The following VWA3A variants were observed in gnomAD, a reference collection of about 807,000 sequenced individuals.
VWA3A encodes the protein von Willebrand factor A domain containing 3A.
A neutral mutation model predicts 160.4 loss-of-function variants in VWA3A; 134 were observed. The ratio of observed to expected loss-of-function variants is 0.84; its 90% CI spans 0.73 to 0.96. The LOEUF (loss-of-function observed/expected upper bound fraction) is 0.96, where lower values mean the gene tolerates loss of function less well. Ranked by LOEUF, VWA3A falls within the 40% of genes least tolerant of loss-of-function variation. VWA3A has a pLI of 0.00. For missense variants in VWA3A, 1,310 were observed against 1,447.9 expected, an observed-to-expected ratio of 0.90 and a Z score of 1.55; for synonymous variants, 476 against 543.4, an observed-to-expected ratio of 0.88 and a Z score of 1.72.
intron 14 of VWA3A, 130 bp from the exon 15 acceptor site, chr16:22,122,955 T>A: frequency 1.4e-6 from 1 of 700,194 alleles, no homozygotes; most frequent in Non-Finnish European, 2.5e-6. Context: ...TGGGAGGGAG[T>A]TCGATCCGAC....
chr16:22,098,643 C>T (rs1017358796), intron 3 of VWA3A, among the ~76,000 whole-genome samples: 3 of 152,082 alleles, frequency 2.0e-5, no homozygotes, highest in African/African-American at 7.2e-5. Context: ...AGTAGAGTTA[C>T]ATAATTAGCA....
chr16:22,130,753 G>A (rs1410876502), intron 17 of VWA3A, among the ~76,000 whole-genome samples: 1 of 152,054 alleles, frequency 6.6e-6, no homozygotes. Context: ...ACAGACATGT[G>A]CCACTATACC....
intron 9 of VWA3A, chr16:22,116,260 GAGAA>G (rs1247955801): frequency 6.8e-5 from 27 of 399,928 alleles, no homozygotes; most frequent in South Asian, 4.0e-4. Context: ...ATGGAAGAGA[GAGAA>G]AGAAAAAGAA....
At chr16:22,097,467 G>A (rs1598041724) in intron 2 of VWA3A, 105 bp from the exon 3 acceptor site, 3 of 1,424,784 alleles carry the variant, frequency 2.1e-6, no homozygotes, top group South Asian at 1.4e-5. Flanking sequence ...ACAGAAAAAT[G>A]TTTCTAGAAT....
chr16:22,132,967 T>C lies in VWA3A; in HGVS notation c.1940T>C (p.Phe647Ser). 1 of 1,613,978 alleles carries C rather than the reference T, an allele frequency of 6.2e-7. No individual in the cohort carries two copies. The highest frequency in any genetic ancestry group is 8.5e-7 in the Non-Finnish European group (1 of 1,179,900). Residue 647 changes from phenylalanine (F) to serine (S), a missense_variant, in exon 20 of 34, where the codon TTC becomes TCC. Transcript: ENST00000389398. ...GCDLQLNVCL[F>S]YVGEPKMDTT... The stretch of plus-strand genomic sequence containing the variant: ...GACCTCCAGCTGAACGTGTGTCTCT[T>C]CTACGTGGGCGAGCCAAAGATGGAC...
intron 7 of VWA3A, among the ~76,000 whole-genome samples, chr16:22,110,506 G>T (rs771654720): frequency 2.0e-5 from 3 of 152,174 alleles, no homozygotes; most frequent in Non-Finnish European, 4.4e-5. Flanking sequence ...TCTACTATTA[G>T]CCAGGGCAGA....
At chr16:22,147,605 G>A in intron 27 of VWA3A, 1 of 703,318 alleles carries the variant, frequency 1.4e-6, no homozygotes, top group Non-Finnish European at 2.6e-6. Flanking sequence ...GGTATAGACA[G>A]TCCATGGACA....
At chr16:22,130,958 C>T (rs951113887) in intron 17 of VWA3A, among the ~76,000 whole-genome samples, 4 of 152,064 alleles carry the variant, frequency 2.6e-5, no homozygotes, top group African/African-American at 7.2e-5. Context: ...GAGGGGGCCA[C>T]ACGCCATAGC....
At chr16:22,136,899 A>ACG (rs1254864274) in intron 21 of VWA3A, among the ~76,000 whole-genome samples, 2 of 137,492 alleles carry the variant, frequency 1.5e-5, no homozygotes, top group African/African-American at 5.3e-5. Context: ...ACACACGCAC[A>ACG]CACACACACA....
At position 22,138,480 on chromosome 16, in the gene VWA3A, C is replaced by T. The variant is rs1170054668; in HGVS notation, c.2260C>T (p.Pro754Ser). Residue 754 changes from proline (P) to serine (S), a missense_variant, in exon 22 of 34, where the codon CCC (proline) becomes TCC (serine). Transcript: ENST00000389398. The part of the protein sequence containing the change: ...LRSQPKKLCP[P>S]RPTVPLGARM... ...AAGTCAGCCCAAGAAGCTCTGCCCT[C>T]CCAGGCCCACCGTCCCCCTGGGGGC... 1.9e-6 allele frequency: 3 copies of T among 1,613,896 alleles called. No individual in the cohort carries two copies. The South Asian group carries it at 3.3e-5, about 18-fold the overall frequency.
intron 8 of VWA3A, 91 bp downstream of exon 8, chr16:22,111,085 C>A: frequency 8.9e-7 from 1 of 1,120,428 alleles, no homozygotes; most frequent in Non-Finnish European, 1.3e-6. Context: ...AACTGCAAAC[C>A]CCAGGACCCT....
At chr16:22,153,665 C>T (rs1310128138) in intron 31 of VWA3A, among the ~76,000 whole-genome samples, 3 of 151,710 alleles carry the variant, frequency 2.0e-5, no homozygotes, top group Non-Finnish European at 4.4e-5. Flanking sequence ...AACAAATTAT[C>T]AAGTAAGACA....
intron 6 of VWA3A, among the ~76,000 whole-genome samples, 164 bp from the exon 7 acceptor site, chr16:22,109,318 C>A (rs576312847): frequency 2.6e-5 from 4 of 152,318 alleles, no homozygotes; most frequent in Admixed American, 6.5e-5. Context: ...GAGCTGAAGT[C>A]ATGACATTGG....
At chr16:22,093,211 T>A (rs186190731) in intron 1 of VWA3A, among the ~76,000 whole-genome samples, 2 of 152,250 alleles carry the variant, frequency 1.3e-5, no homozygotes, top group East Asian at 3.9e-4. Flanking sequence ...CCGGCCCAAA[T>A]GGATCTACTT....
Position 22,118,902 on chromosome 16 carries a change from C to T in VWA3A, c.991C>T (p.His331Tyr). Reference protein sequence around the residue: ...YYHCYSPKMEHYTSRDMDELL... With the variant: ...YYHCYSPKMEYYTSRDMDELL... ...GTCTGATTGCTCTTGCCACCCTCAG[C>T]ACTACACCAGCCGGGACATGGATGA... Residue 331 changes from histidine (H) to tyrosine (Y), a missense_variant and splice_region_variant, in exon 12 of 34, where the codon CAC (histidine) becomes TAC (tyrosine). Transcript: ENST00000389398. 1 of 1,613,756 alleles carries T rather than the reference C, an allele frequency of 6.2e-7. No individual in the cohort carries two copies. Among genetic ancestry groups the T allele is most frequent in the Non-Finnish European group, 8.5e-7 (1 of 1,179,816 alleles).
intron 6 of VWA3A, among the ~76,000 whole-genome samples, chr16:22,108,919 A>T (rs1176417669): frequency 6.6e-6 from 1 of 152,220 alleles, no homozygotes; most frequent in African/African-American, 2.4e-5. Flanking sequence ...GTTTAGAAAC[A>T]TAATTAGAAA....
chr16:22,116,929 T>C (rs1305219651), intron 10 of VWA3A, 62 bp downstream of exon 10: 3 of 1,529,760 alleles, frequency 2.0e-6, no homozygotes, highest in Non-Finnish European at 2.7e-6. Context: ...TGGGCTGGCC[T>C]TTGAGGCCTC....
At chr16:22,142,256 G>T (rs984384957) in intron 24 of VWA3A, among the ~76,000 whole-genome samples, 1 of 152,070 alleles carries the variant, frequency 6.6e-6, no homozygotes, top group Admixed American at 6.6e-5. Flanking sequence ...ATTTGTGCTT[G>T]GAATACCCAA....
At chr16:22,150,149 C>A (rs1383347459) in intron 29 of VWA3A, among the ~76,000 whole-genome samples, 1 of 152,168 alleles carries the variant, frequency 6.6e-6, no homozygotes, top group Non-Finnish European at 1.5e-5. Flanking sequence ...CACCTGTAAT[C>A]CCAGCACTTT....
Sources: allele counts gnomAD v4.1 joint callset (sites outside exome capture counted in the v4.1 genomes callset), GRCh38; gene constraint gnomAD v4.1.1; transcripts MANE v1.5; gene names NCBI Gene and HGNC (gene_info 2026-07-23, HGNC 2026-07-21).